The following DOCK1 variants were observed in gnomAD, a reference collection of about 807,000 sequenced individuals.
DOCK1 encodes the protein dedicator of cytokinesis protein 1.
Under a neutral mutation model 262.7 loss-of-function variants are expected in DOCK1, and 138 were observed. The observed-to-expected ratio is 0.53, with a 90% confidence interval of 0.46 to 0.61. The LOEUF is 0.61. Ranked by LOEUF, DOCK1 falls within the 20% of genes least tolerant of loss-of-function variation. The pLI, the probability that DOCK1 is intolerant of heterozygous loss-of-function variation, is 0.00. For synonymous variants in DOCK1, 866 were observed against 867.4 expected (o/e 1.00, Z 0.03); for missense variants, 1,908 against 2,370.7 (o/e 0.80, Z 4.05).
intron 2 of DOCK1, among the ~76,000 whole-genome samples, chr10:126,974,909 G>C (rs2038400380): frequency 6.6e-6 from 1 of 152,040 alleles, no homozygotes; most frequent in Non-Finnish European, 1.5e-5. Flanking sequence ...ATTTTGCTTA[G>C]GAAGGCCATT....
intron 30 of DOCK1, 97 bp downstream of exon 30, chr10:127,339,181 T>G (rs1179079167): frequency 9.2e-7 from 1 of 1,085,590 alleles, no homozygotes. Context: ...ATCCTTGAAC[T>G]TAATTGGTCT....
intron 26 of DOCK1, 40 bp from the exon 27 acceptor site, chr10:127,127,629 T>C: frequency 1.3e-6 from 2 of 1,519,436 alleles, no homozygotes; most frequent in Non-Finnish European, 1.8e-6. Context: ...CATGTTAATG[T>C]TTCTCTGGTG....
intron 1 of DOCK1, among the ~76,000 whole-genome samples, chr10:126,968,962 G>T (rs2037885393): frequency 6.6e-6 from 1 of 152,182 alleles, no homozygotes; most frequent in Non-Finnish European, 1.5e-5. Flanking sequence ...CAATATCATA[G>T]GTCTAGCTTT....
chr10:127,277,836 C>G (rs1181662107), intron 29 of DOCK1, among the ~76,000 whole-genome samples: 2 of 152,204 alleles, frequency 1.3e-5, no homozygotes, highest in Non-Finnish European at 2.9e-5. Context: ...TAAGTTGTCT[C>G]TCACCCATCT....
At chr10:126,943,507 C>T (rs1333459643) in intron 1 of DOCK1, among the ~76,000 whole-genome samples, 1 of 152,140 alleles carries the variant, frequency 6.6e-6, no homozygotes, top group African/African-American at 2.4e-5. Flanking sequence ...ATGTAAGCAC[C>T]TACTGAATGC....
chr10:127,378,465 G>A (rs74513484), intron 35 of DOCK1, among the ~76,000 whole-genome samples: 3,871 of 152,198 alleles, frequency 0.025, 79 homozygotes, highest in Non-Finnish European at 0.039. Flanking sequence ...GGAGCACCGC[G>A]TGAACCTTTA....
rs143647038 is a variant in DOCK1 at position 127,122,751 on chromosome 10, A to G, written c.2624-2723A>G. On this transcript the variant is annotated intron_variant, in intron 25 of 51. Coordinates refer to ENST00000623213, the MANE Select transcript of DOCK1 (RefSeq NM_001290223.2). Reference sequence around the variant, plus strand: ...CTCATCAGGAGAGGCTGGATAGCAAACAGGTGAAGGTAGCGCAGTCCTCCA... The same window carrying G: ...CTCATCAGGAGAGGCTGGATAGCAAGCAGGTGAAGGTAGCGCAGTCCTCCA... 6.6e-3 allele frequency among the ~76,000 whole-genome samples: 1,000 copies of G among 152,226 alleles called. 4 individuals carry two copies. The highest frequency in any genetic ancestry group is 0.012 in the Admixed American group (180 of 15,290).
chr10:127,077,838 G>A (rs568342239), intron 23 of DOCK1, among the ~76,000 whole-genome samples: 5 of 152,244 alleles, frequency 3.3e-5, no homozygotes, highest in African/African-American at 1.2e-4. Context: ...CCTCAGAGCA[G>A]GTTGGACTGC....
In DOCK1 at chr10:127,373,820, G is replaced by A; in HGVS notation, c.3472G>A (p.Glu1158Lys). 1.9e-6 allele frequency: 3 copies of A among 1,611,708 alleles called. No individual in the cohort carries two copies. Among genetic ancestry groups the A allele is most frequent in the Non-Finnish European group, 2.5e-6 (3 of 1,178,958 alleles). ...EIITKLDHEV[E>K]GGRGDEQYKV... ...CATCACCAAGCTGGATCATGAAGTC[G>A]AAGGAGGCAGAGGAGACGAACAGTA... Residue 1158 changes from glutamate to lysine, a missense_variant, in exon 34 of 52, where the codon GAA becomes AAA. Physicochemically the swap from Glu to Lys is moderately conservative, Grantham distance 56. Coordinates refer to ENST00000623213, the MANE Select transcript of DOCK1 (RefSeq NM_001290223.2).
At chr10:126,922,209 C>CAAAAAAA (rs1213635501) in intron 1 of DOCK1, among the ~76,000 whole-genome samples, 2 of 63,936 alleles carry the variant, frequency 3.1e-5, no homozygotes, top group Admixed American at 1.8e-4. Context: ...GACCCTGTAT[C>CAAAAAAA]AAAAAAAAAA....
intron 24 of DOCK1, among the ~76,000 whole-genome samples, chr10:127,107,988 A>G (rs887979294): frequency 6.6e-6 from 1 of 152,166 alleles, no homozygotes; most frequent in Non-Finnish European, 1.5e-5. Context: ...TGACGCTCAC[A>G]GTTTGTGGTT....
intron 29 of DOCK1, among the ~76,000 whole-genome samples, chr10:127,297,070 G>A (rs2061528560): frequency 6.6e-6 from 1 of 152,180 alleles, no homozygotes. Flanking sequence ...CAGCCACGGT[G>A]TGCAGAGGAG....
chr10:127,294,142 C>A (rs1564970727), intron 29 of DOCK1, among the ~76,000 whole-genome samples: 1 of 152,214 alleles, frequency 6.6e-6, no homozygotes, highest in South Asian at 2.1e-4. Flanking sequence ...CTGACCCTCT[C>A]TCTTCCATCC....
At chr10:127,369,978 C>G (rs1181137023) in intron 33 of DOCK1, among the ~76,000 whole-genome samples, 1 of 152,210 alleles carries the variant, frequency 6.6e-6, no homozygotes, top group Non-Finnish European at 1.5e-5. Flanking sequence ...CGGTGTCACA[C>G]TTCTCTCTGC....
At chr10:127,331,802 T>G (rs2062993538) in intron 29 of DOCK1, among the ~76,000 whole-genome samples, 1 of 152,094 alleles carries the variant, frequency 6.6e-6, no homozygotes, top group South Asian at 2.1e-4. Context: ...GATAAATGGG[T>G]GGTATACACG....
At chr10:127,260,420 G>A (rs2059982494) in intron 29 of DOCK1, among the ~76,000 whole-genome samples, 1 of 152,176 alleles carries the variant, frequency 6.6e-6, no homozygotes, top group Admixed American at 6.5e-5. Flanking sequence ...CTTGACAAGG[G>A]AAGCAGCCTG....
chr10:127,035,315 T>C (rs911366138), intron 18 of DOCK1, among the ~76,000 whole-genome samples: 2 of 152,208 alleles, frequency 1.3e-5, no homozygotes, highest in African/African-American at 4.8e-5. Context: ...TGCTAGATGC[T>C]GTGGGGGATA....
At chr10:127,093,429 G>A (rs1252134115) in intron 23 of DOCK1, among the ~76,000 whole-genome samples, 1 of 150,804 alleles carries the variant, frequency 6.6e-6, no homozygotes, top group Non-Finnish European at 1.5e-5. Flanking sequence ...TCAGCTTACT[G>A]CAAACCTCCA....
chr10:127,428,329 G>C (rs2068952610), intron 47 of DOCK1, among the ~76,000 whole-genome samples: 1 of 152,236 alleles, frequency 6.6e-6, no homozygotes, highest in African/African-American at 2.4e-5. Context: ...CATGAGTTCT[G>C]AGTGTGCTTG....
Sources: allele counts gnomAD v4.1 joint callset (sites outside exome capture counted in the v4.1 genomes callset), GRCh38; gene constraint gnomAD v4.1.1; transcripts MANE v1.5; gene names NCBI Gene and HGNC (gene_info 2026-07-23, HGNC 2026-07-21).